The following CHST9 variants were observed in gnomAD, a reference collection of about 807,000 sequenced individuals.
CHST9 encodes the protein GalNAc-4-sulfotransferase 2.
Under a neutral mutation model 44.4 loss-of-function variants are expected in CHST9, and 41 were observed. The ratio of observed to expected loss-of-function variants is 0.92; its 90% CI spans 0.72 to 1.20. The LOEUF is 1.20. Ranked by LOEUF, CHST9 falls within the 50% of genes most tolerant of loss-of-function variation. The pLI, the probability that CHST9 is intolerant of heterozygous loss-of-function variation, is 0.00. For missense variants in CHST9, 504 were observed against 516.5 expected, an observed-to-expected ratio of 0.98 and a Z score of 0.23; for synonymous variants, 171 against 178.4, an observed-to-expected ratio of 0.96 and a Z score of 0.33.
chr18:27,148,289 G>A (rs1241872038), intron 1 of CHST9, among the ~76,000 whole-genome samples: 1 of 150,196 alleles, frequency 6.7e-6, no homozygotes, highest in Non-Finnish European at 1.5e-5. Context: ...TAAGTTTTAG[G>A]GTACATGTGC....
In CHST9 at chr18:26,912,082, G is replaced by A. The variant is rs1190960056; in HGVS notation, c.*4177C>T. The A allele has an allele frequency of 2.0e-5, 3 of 152,138 alleles. No individual in the cohort carries two copies. Among genetic ancestry groups the A allele is most frequent in the African/African-American group, 4.8e-5 (2 of 41,440 alleles). 9.4% of individuals were successfully genotyped at this position (152,138 alleles called of 1,614,324 possible). ...TCTGCAGTGGCTGTCAGGGGCCTAT[G>A]TGTGGAAAGTTCGCCTGAACTTTCT... On this transcript the variant is annotated 3_prime_UTR_variant, in exon 6 of 6. Coordinates refer to ENST00000618847, the MANE Select transcript of CHST9 (RefSeq NM_031422.6).
chr18:27,115,367 G>A (rs67413432), intron 2 of CHST9, among the ~76,000 whole-genome samples: 17,911 of 152,028 alleles, frequency 0.12, 1,217 homozygotes, highest in African/African-American at 0.19. Flanking sequence ...ACTCTCTTGG[G>A]AATAGACCTA....
intron 1 of CHST9, among the ~76,000 whole-genome samples, chr18:27,161,294 G>C (rs1397973573): frequency 8.5e-5 from 13 of 152,194 alleles, no homozygotes; most frequent in African/African-American, 3.1e-4. Flanking sequence ...GTGTCCCAGA[G>C]ATTCTGGTAT....
intron 1 of CHST9, among the ~76,000 whole-genome samples, chr18:27,164,655 A>G (rs967552955): frequency 6.6e-6 from 1 of 152,214 alleles, no homozygotes. Context: ...TAAATACACT[A>G]TGGGACATTG....
chr18:27,157,810 A>C (rs9965674), intron 1 of CHST9, among the ~76,000 whole-genome samples: 3,074 of 152,192 alleles, frequency 0.02, 114 homozygotes, highest in African/African-American at 0.071. Context: ...AAAATACAAA[A>C]CATGTAAAAA....
intron 2 of CHST9, among the ~76,000 whole-genome samples, chr18:27,084,722 T>C (rs368536269): frequency 1.2e-4 from 18 of 152,090 alleles, no homozygotes; most frequent in South Asian, 2.1e-4. Context: ...GTTTTTGTAT[T>C]CCCACATCCC....
intron 2 of CHST9, among the ~76,000 whole-genome samples, chr18:27,056,497 TA>T (rs2057657519): frequency 1.3e-5 from 2 of 152,196 alleles, no homozygotes; most frequent in Admixed American, 1.3e-4. Flanking sequence ...CATTTTAATC[TA>T]AGGTGAATTG....
chr18:27,178,775 G>T (rs1014243297), intron 1 of CHST9, among the ~76,000 whole-genome samples: 2 of 151,874 alleles, frequency 1.3e-5, no homozygotes, highest in Non-Finnish European at 2.9e-5. Context: ...TGCTGCACAG[G>T]ATTCATCTAC....
chr18:27,045,155 G>T (rs770093754), intron 3 of CHST9, among the ~76,000 whole-genome samples: 4 of 151,620 alleles, frequency 2.6e-5, no homozygotes, highest in Non-Finnish European at 4.4e-5. Flanking sequence ...TAAATGAAAA[G>T]TACGCAATTG....
At chr18:27,137,749 G>A (rs1197122820) in intron 2 of CHST9, among the ~76,000 whole-genome samples, 1 of 152,180 alleles carries the variant, frequency 6.6e-6, no homozygotes, top group African/African-American at 2.4e-5. Flanking sequence ...TGACTCTGTC[G>A]TTAGAGGGTC....
chr18:27,092,314 T>C (rs994625718), intron 2 of CHST9, among the ~76,000 whole-genome samples: 1 of 152,204 alleles, frequency 6.6e-6, no homozygotes, highest in Non-Finnish European at 1.5e-5. Flanking sequence ...TTTTGTTGCA[T>C]CTATTTGATT....
intron 3 of CHST9, among the ~76,000 whole-genome samples, chr18:27,044,940 G>A (rs1455955476): frequency 6.6e-6 from 1 of 151,262 alleles, no homozygotes; most frequent in Non-Finnish European, 1.5e-5. Flanking sequence ...ACATTTCCAA[G>A]CATCAACACA....
intron 3 of CHST9, among the ~76,000 whole-genome samples, chr18:27,044,256 A>G (rs2057475343): frequency 6.6e-6 from 1 of 152,032 alleles, no homozygotes; most frequent in African/African-American, 2.4e-5. Context: ...GAGTGAATTA[A>G]GGGTATTTAT....
At chr18:26,962,678 G>T (rs2056415515) in intron 4 of CHST9, among the ~76,000 whole-genome samples, 1 of 152,170 alleles carries the variant, frequency 6.6e-6, no homozygotes, top group African/African-American at 2.4e-5. Flanking sequence ...CTGATAGTTG[G>T]TGCCTTTCAC....
chr18:27,059,631 A>T (rs1202158600), intron 2 of CHST9, among the ~76,000 whole-genome samples: 2 of 152,160 alleles, frequency 1.3e-5, no homozygotes, highest in African/African-American at 4.8e-5. Context: ...CTAGATTTTC[A>T]TCTGGGGGAA....
chr18:27,144,316 T>TAA (rs2058594335), intron 1 of CHST9, among the ~76,000 whole-genome samples: 1 of 152,026 alleles, frequency 6.6e-6, no homozygotes, highest in African/African-American at 2.4e-5. Flanking sequence ...GGGTGCCAGT[T>TAA]AAAAGTTAAA....
intron 2 of CHST9, among the ~76,000 whole-genome samples, chr18:27,116,496 G>A (rs2058321833): frequency 6.6e-6 from 1 of 152,030 alleles, no homozygotes. Context: ...TAATTACTAT[G>A]GCTTTATGGT....
rs576964887 is a variant in CHST9 at position 27,021,450 on chromosome 18, A to G, written c.202+2666T>C. ...AAACTTCTGAGATCTGCACTGGCCA[A>G]CGTTTCCAATTGTCCCCTCAATGGC... On this transcript the variant is annotated intron_variant, in intron 4 of 5. Transcript: ENST00000618847. Among the ~76,000 whole-genome samples, 6 of 152,256 alleles carry G rather than the reference A, an allele frequency of 3.9e-5. No individual in the cohort carries two copies. The East Asian group carries it at 5.8e-4, about 15-fold the overall frequency.
At chr18:26,970,934 C>T (rs1001019094) in intron 4 of CHST9, among the ~76,000 whole-genome samples, 1 of 152,168 alleles carries the variant, frequency 6.6e-6, no homozygotes, top group African/African-American at 2.4e-5. Context: ...GTTGTTCCTT[C>T]TGGCAGAAAT....
Sources: gnomAD v4.1 joint callset for allele counts (sites outside exome capture counted in the v4.1 genomes callset) on GRCh38, gnomAD v4.1.1 for gene constraint, MANE v1.5 for transcripts, NCBI Gene and HGNC (gene_info 2026-07-23, HGNC 2026-07-21) for gene names.